PDE4B: variants seen among roughly 807,000 people sequenced by gnomAD.
PDE4B encodes phosphodiesterase 4B, also known as 3',5'-cyclic-AMP phosphodiesterase 4B.
PDE4B carries 20 observed loss-of-function variants against 82.2 expected under a neutral mutation model. The ratio of observed to expected loss-of-function variants is 0.24; its 90% CI spans 0.17 to 0.35. The LOEUF is 0.35. Ranked by LOEUF, PDE4B falls within the 10% of genes least tolerant of loss-of-function variation. The pLI is 1.00. For missense variants in PDE4B, 655 were observed against 907.2 expected, an observed-to-expected ratio of 0.72 and a Z score of 3.57; for synonymous variants, 320 against 318.9, an observed-to-expected ratio of 1.00 and a Z score of -0.04.
intron 1 of PDE4B, among the ~76,000 whole-genome samples, chr1:65,802,706 C>T (rs906184598): frequency 6.6e-5 from 10 of 150,704 alleles, no homozygotes; most frequent in African/African-American, 2.4e-4. Context: ...AATTTGTAAT[C>T]TGGAGATTTC....
At chr1:66,352,767 A>G (rs1441568698) in intron 8 of PDE4B, among the ~76,000 whole-genome samples, 1 of 152,040 alleles carries the variant, frequency 6.6e-6, no homozygotes, top group Non-Finnish European at 1.5e-5. Flanking sequence ...CATTTTAGGT[A>G]TTCAATAAAT....
chr1:66,297,069 C>T (rs941898838), intron 7 of PDE4B, among the ~76,000 whole-genome samples: 104 of 152,110 alleles, frequency 6.8e-4, no homozygotes, highest in African/African-American at 2.3e-3. Context: ...TTTGACTCTT[C>T]GTGTCTCTTT....
intron 3 of PDE4B, among the ~76,000 whole-genome samples, chr1:66,217,849 C>A (rs1313992996): frequency 1.3e-5 from 2 of 151,996 alleles, no homozygotes; most frequent in Non-Finnish European, 2.9e-5. Flanking sequence ...AAGAGACATG[C>A]ACATACAAAA....
At chr1:65,970,897 G>T (rs1002799843) in intron 3 of PDE4B, among the ~76,000 whole-genome samples, 1 of 151,854 alleles carries the variant, frequency 6.6e-6, no homozygotes, top group African/African-American at 2.4e-5. Context: ...AGGAAATGAG[G>T]CCAAAGGAAA....
chr1:65,865,546 C>T (rs950433058), intron 1 of PDE4B, among the ~76,000 whole-genome samples: 5 of 152,132 alleles, frequency 3.3e-5, no homozygotes, highest in African/African-American at 1.2e-4. Flanking sequence ...GAGGTAATCT[C>T]CTGATCTGCA....
chr1:65,794,351 A>G (rs1233230534), intron 1 of PDE4B, among the ~76,000 whole-genome samples: 1 of 152,226 alleles, frequency 6.6e-6, no homozygotes, highest in African/African-American at 2.4e-5. Context: ...TACTATTTTT[A>G]TTAGTAGATC....
intron 3 of PDE4B, among the ~76,000 whole-genome samples, chr1:66,148,757 A>G (rs1372153299): frequency 1.3e-5 from 2 of 152,196 alleles, no homozygotes; most frequent in Non-Finnish European, 2.9e-5. Context: ...GAAATCTTAC[A>G]GTATGTGATC....
intron 3 of PDE4B, among the ~76,000 whole-genome samples, chr1:65,989,396 G>T (rs529996818): frequency 2.2e-4 from 33 of 152,200 alleles, no homozygotes; most frequent in African/African-American, 7.9e-4. Flanking sequence ...AGCTACTCAG[G>T]AGGTAGGATC....
intron 1 of PDE4B, among the ~76,000 whole-genome samples, chr1:65,816,190 AGTGTGTGTGTGT>A (rs139330007): frequency 7.5e-6 from 1 of 132,796 alleles, no homozygotes; most frequent in Non-Finnish European, 1.6e-5. Flanking sequence ...TTATTAATGC[AGTGTGTGTGTGT>A]GTGTGTGTGT....
intron 1 of PDE4B, among the ~76,000 whole-genome samples, chr1:65,857,720 T>C (rs971417106): frequency 1.3e-5 from 2 of 152,352 alleles, no homozygotes; most frequent in South Asian, 2.1e-4. Context: ...GTAACATCTC[T>C]GTTGCCAAAA....
chr1:66,275,091 C>T (rs1655783582), intron 7 of PDE4B, among the ~76,000 whole-genome samples: 1 of 152,120 alleles, frequency 6.6e-6, no homozygotes. Context: ...AAGGGACACC[C>T]CTAAATACAG....
At chr1:66,331,215 T>C (rs1660081953) in intron 7 of PDE4B, among the ~76,000 whole-genome samples, 1 of 152,238 alleles carries the variant, frequency 6.6e-6, no homozygotes, top group Admixed American at 6.5e-5. Context: ...TATAAAAATG[T>C]CTTTTAAATA....
intron 3 of PDE4B, among the ~76,000 whole-genome samples, chr1:66,052,510 C>A (rs528074802): frequency 7.1e-4 from 108 of 151,094 alleles, no homozygotes; most frequent in African/African-American, 2.5e-3. Context: ...GCTTAGAACA[C>A]AAGAAGTCCT....
chr1:66,185,318 T>G (rs551935986), intron 3 of PDE4B, among the ~76,000 whole-genome samples: 1 of 152,394 alleles, frequency 6.6e-6, no homozygotes, highest in Admixed American at 6.5e-5. Context: ...CATGTGTCTT[T>G]ATAGCAGCAT....
Position 66,164,946 on chromosome 1 carries a change from A to G in PDE4B, c.282-82514A>G, listed in dbSNP as rs559864372. Among the ~76,000 whole-genome samples, 11 of 151,880 alleles carry G rather than the reference A, an allele frequency of 7.2e-5. No homozygotes were observed. The South Asian group carries it at 2.1e-3, about 29-fold the overall frequency. ...CCTGGCTAATTTTTGTATTTTTAGT[A>G]GAGACGGGGTTTCACTGTGTTAGCC... On this transcript the variant is annotated intron_variant, in intron 3 of 16. Transcript: ENST00000341517.
intron 3 of PDE4B, among the ~76,000 whole-genome samples, chr1:65,983,154 G>C (rs1041314576): frequency 6.6e-6 from 1 of 152,208 alleles, no homozygotes; most frequent in Admixed American, 6.5e-5. Flanking sequence ...TCCTGTGCCT[G>C]TCCCACCATT....
chr1:66,351,395 C>G (rs1661807938), intron 8 of PDE4B, among the ~76,000 whole-genome samples: 4 of 152,166 alleles, frequency 2.6e-5, no homozygotes, highest in African/African-American at 9.7e-5. Context: ...TCCAGTAACT[C>G]CTTGGGACAC....
chr1:65,958,753 C>T (rs985570943), intron 3 of PDE4B, among the ~76,000 whole-genome samples: 24 of 149,238 alleles, frequency 1.6e-4, no homozygotes, highest in Middle Eastern at 3.4e-3. Flanking sequence ...CACACACGCG[C>T]GCGCGCGCGC....
intron 1 of PDE4B, among the ~76,000 whole-genome samples, chr1:65,839,603 C>A (rs942754707): frequency 2.0e-5 from 3 of 152,114 alleles, no homozygotes; most frequent in African/African-American, 7.2e-5. Context: ...AGGAACTCAT[C>A]CTTTTTTATG....
Sources: gnomAD v4.1 joint callset for allele counts (sites outside exome capture counted in the v4.1 genomes callset) on GRCh38, gnomAD v4.1.1 for gene constraint, MANE v1.5 for transcripts, NCBI Gene and HGNC (gene_info 2026-07-23, HGNC 2026-07-21) for gene names.